POU2F3: variants seen among roughly 807,000 people sequenced by gnomAD.
POU2F3 encodes the protein POU domain, class 2, transcription factor 3.
In POU2F3, 23 loss-of-function variants were observed where a neutral mutation model predicts 59.2. The observed-to-expected ratio is 0.39, with a 90% CI of 0.28 to 0.55. POU2F3 has a LOEUF of 0.55. Ranked by LOEUF, POU2F3 falls within the 20% of genes least tolerant of loss-of-function variation. The probability of loss-of-function intolerance (pLI) is 0.66; values close to 1 mark genes in which losing one functional copy is unlikely to be tolerated. For synonymous variants in POU2F3, 190 were observed against 214.6 expected (o/e 0.89, Z 1.00); for missense variants, 473 against 544.5 (o/e 0.87, Z 1.31).
At chr11:120,257,471 A>T (rs1200562791) in intron 2 of POU2F3, among the ~76,000 whole-genome samples, 1 of 151,596 alleles carries the variant, frequency 6.6e-6, no homozygotes, top group East Asian at 1.9e-4. Flanking sequence ...TCTCACTTTC[A>T]GGGGCTCTCT....
chr11:120,306,612 C>A (rs772709941), intron 8 of POU2F3, among the ~76,000 whole-genome samples: 28 of 143,560 alleles, frequency 2.0e-4, no homozygotes, highest in Non-Finnish European at 3.7e-4. Context: ...GATGCAGAGT[C>A]CCCCCCGGTT....
intron 2 of POU2F3, among the ~76,000 whole-genome samples, chr11:120,268,698 A>AAGG (rs1272160774): frequency 2.6e-5 from 4 of 152,218 alleles, no homozygotes; most frequent in Non-Finnish European, 4.4e-5. Flanking sequence ...CATTTATGGT[A>AAGG]ACAGTTGAGG....
intron 2 of POU2F3, among the ~76,000 whole-genome samples, chr11:120,257,158 A>G (rs988330719): frequency 6.6e-6 from 1 of 152,198 alleles, no homozygotes; most frequent in African/African-American, 2.4e-5. Context: ...TTCTGCTGCC[A>G]AAGTGTTGGA....
rs1402339401 is a variant in POU2F3 at position 120,301,719 on chromosome 11, C to G, written c.362-567C>G. ...TCCAGAGGCTCAGCCCTGGACTTTC[C>G]CTCCTCTCTCAGCCCTCTCTCCCAA... On this transcript the variant is annotated intron_variant, in intron 5 of 12. Transcript: ENST00000543440. 2.0e-5 allele frequency: 3 copies of G among 153,292 alleles called. No individual in the cohort carries two copies. In the Admixed American group the frequency reaches 2.0e-4, roughly 10 times the overall value. The allele number at this position is 153,292 out of a possible 1,614,324, so 9.5% of individuals were successfully genotyped here.
At chr11:120,269,290 G>T (rs1306969904) in intron 3 of POU2F3, 46 bp downstream of exon 3, 1 of 1,491,938 alleles carries the variant, frequency 6.7e-7, no homozygotes, top group Non-Finnish European at 9.3e-7. Context: ...TAAAATTTGG[G>T]CATCACCTAT....
At chr11:120,292,168 G>T (rs1157467665) in intron 3 of POU2F3, among the ~76,000 whole-genome samples, 1 of 152,064 alleles carries the variant, frequency 6.6e-6, no homozygotes. Context: ...AATAATCTAG[G>T]ACTACAGAGA....
At chr11:120,316,610 G>A (rs539130253) in intron 11 of POU2F3, among the ~76,000 whole-genome samples, 9 of 152,168 alleles carry the variant, frequency 5.9e-5, no homozygotes, top group South Asian at 2.1e-4. Context: ...ATTTTTTGCA[G>A]AGACTGGGTT....
chr11:120,288,138 A>AG (rs1016287199), intron 3 of POU2F3, among the ~76,000 whole-genome samples: 1 of 148,810 alleles, frequency 6.7e-6, no homozygotes, highest in African/African-American at 2.5e-5. Context: ...CAAAAAAAAA[A>AG]AAAAAAAAAA....
chr11:120,312,712 A>C (rs1484727754), intron 10 of POU2F3, among the ~76,000 whole-genome samples: 3 of 152,196 alleles, frequency 2.0e-5, no homozygotes, highest in Non-Finnish European at 4.4e-5. Context: ...CCCTGCTTAC[A>C]GTGTAGCAGG....
At chr11:120,261,168 G>A (rs1158433595) in intron 2 of POU2F3, 1 of 143,660 alleles carries the variant, frequency 7.0e-6, no homozygotes, top group Non-Finnish European at 1.5e-5. Context: ...TTTTGTGTGT[G>A]TGTGTGTGTG....
intron 2 of POU2F3, chr11:120,250,128 C>T (rs1302525285): frequency 6.6e-6 from 1 of 152,224 alleles, no homozygotes; most frequent in African/African-American, 2.4e-5. Context: ...GTTTCCAGAT[C>T]TTGCATTTTT....
chr11:120,270,638 G>A (rs1482535370), intron 3 of POU2F3, among the ~76,000 whole-genome samples: 2 of 152,150 alleles, frequency 1.3e-5, no homozygotes, highest in East Asian at 3.9e-4. Context: ...GATGGGGGCT[G>A]GAGATCAAAG....
In POU2F3 at chr11:120,246,509, T is replaced by G. The variant is rs1391245117; in HGVS notation, c.89T>G (p.Val30Gly). ...STDARSTLSQ[V>G]EPGNDRNGLD... ...GATGCTCGCAGCACTCTCAGCCAGG[T>G]GGAGCCAGGTAAGGGTCTTCTCTTC... The change falls in exon 2 of 13, where the codon GTG becomes GGG. Residue 30 changes from valine (V) to glycine (G), a missense_variant. By Grantham distance (109) the Val-to-Gly change is moderately radical. Transcript: ENST00000543440. 1 of 1,611,316 alleles carries G rather than the reference T, an allele frequency of 6.2e-7. No individual in the cohort carries two copies. Among genetic ancestry groups the G allele is most frequent in the Non-Finnish European group, 8.5e-7 (1 of 1,179,482 alleles).
At chr11:120,279,411 C>G (rs111911901) in intron 3 of POU2F3, among the ~76,000 whole-genome samples, 3,034 of 152,250 alleles carry the variant, frequency 0.02, 108 homozygotes, top group African/African-American at 0.068. Context: ...AACATTAGCT[C>G]TTATTATTTT....
intron 3 of POU2F3, among the ~76,000 whole-genome samples, chr11:120,296,944 G>T (rs1565381475): frequency 6.6e-6 from 1 of 152,162 alleles, no homozygotes; most frequent in Non-Finnish European, 1.5e-5. Flanking sequence ...CAAGAATTAA[G>T]CACAAGTTTA....
intron 2 of POU2F3, among the ~76,000 whole-genome samples, chr11:120,267,198 G>A (rs933628867): frequency 6.6e-6 from 1 of 151,242 alleles, no homozygotes; most frequent in African/African-American, 2.4e-5. Flanking sequence ...ATGCGATCTC[G>A]GCTCACTGCA....
At chr11:120,286,807 G>A (rs1282872757) in intron 3 of POU2F3, among the ~76,000 whole-genome samples, 1 of 151,770 alleles carries the variant, frequency 6.6e-6, no homozygotes, top group African/African-American at 2.4e-5. Context: ...TTCCCTTCCT[G>A]CTATATGTTT....
intron 2 of POU2F3, among the ~76,000 whole-genome samples, chr11:120,248,258 C>T (rs962034313): frequency 7.9e-5 from 12 of 152,170 alleles, no homozygotes; most frequent in Non-Finnish European, 1.5e-4. Flanking sequence ...GAGGTAGGAA[C>T]GGATGAGCTT....
At chr11:120,288,879 ATGTC>A (rs990593708) in intron 3 of POU2F3, among the ~76,000 whole-genome samples, 1 of 133,372 alleles carries the variant, frequency 7.5e-6, no homozygotes, top group Non-Finnish European at 1.7e-5. Flanking sequence ...ATATGGGTGT[ATGTC>A]TGTTCATTTA....
Sources: gnomAD v4.1 joint callset for allele counts (sites outside exome capture counted in the v4.1 genomes callset) on GRCh38, gnomAD v4.1.1 for gene constraint, MANE v1.5 for transcripts, NCBI Gene and HGNC (gene_info 2026-07-23, HGNC 2026-07-21) for gene names.